Variants in MORC1 observed in about 807,000 individuals in gnomAD.
MORC1 encodes MORC family CW-type zinc finger 1, also known as MORC family CW-type zinc finger protein 1.
A neutral mutation model predicts 134.9 loss-of-function variants in MORC1; 59 were observed. The ratio of observed to expected loss-of-function variants is 0.44; its 90% CI spans 0.35 to 0.54. The LOEUF (loss-of-function observed/expected upper bound fraction) is 0.54. Ranked by LOEUF, MORC1 falls within the 20% of genes least tolerant of loss-of-function variation. The pLI is 0.00. For synonymous variants in MORC1, 395 were observed against 391.7 expected, an observed-to-expected ratio of 1.01 and a Z score of -0.10; for missense variants, 947 against 1,134.5, an observed-to-expected ratio of 0.83 and a Z score of 2.37.
intron 6 of MORC1, among the ~76,000 whole-genome samples, chr3:109,097,595 G>C (rs1205742904): frequency 6.6e-6 from 1 of 152,142 alleles, no homozygotes; most frequent in Non-Finnish European, 1.5e-5. Context: ...GGAAGCAGGA[G>C]TGTGAGCTGC....
chr3:109,109,811 G>A (rs1054349191), intron 3 of MORC1: 1 of 152,262 alleles, frequency 6.6e-6, no homozygotes. Flanking sequence ...TTGTCCCAGG[G>A]CAAAAGAGTT....
intron 8 of MORC1, among the ~76,000 whole-genome samples, chr3:109,076,814 C>T (rs764467794): frequency 7.9e-5 from 12 of 151,998 alleles, no homozygotes; most frequent in Non-Finnish European, 1.8e-4. Context: ...ACATCACACA[C>T]CAGGGCCTGG....
At chr3:109,062,746 T>C (rs74735057) in intron 10 of MORC1, among the ~76,000 whole-genome samples, 1 of 152,166 alleles carries the variant, frequency 6.6e-6, no homozygotes, top group African/African-American at 2.4e-5. Flanking sequence ...CAAGCAGGGT[T>C]TCTTAGTTTA....
intron 6 of MORC1, among the ~76,000 whole-genome samples, chr3:109,098,099 C>G (rs1175506486): frequency 6.6e-6 from 1 of 151,850 alleles, no homozygotes; most frequent in Non-Finnish European, 1.5e-5. Flanking sequence ...TTTTTTGAGA[C>G]AGGGTCTCAC....
At chr3:109,068,098 G>C (rs967279622) in intron 9 of MORC1, among the ~76,000 whole-genome samples, 2 of 152,200 alleles carry the variant, frequency 1.3e-5, no homozygotes, top group Non-Finnish European at 2.9e-5. Flanking sequence ...TGTTACTGCA[G>C]AAATCAAATG....
At chr3:109,074,717 A>G (rs1047967254) in intron 8 of MORC1, among the ~76,000 whole-genome samples, 1 of 152,162 alleles carries the variant, frequency 6.6e-6, no homozygotes, top group African/African-American at 2.4e-5. Flanking sequence ...AATGTAATTC[A>G]TTTTTTATTT....
Position 108,963,601 on chromosome 3 carries a change from T to C in MORC1, c.2612A>G (p.Asn871Ser). Residue 871 changes from asparagine to serine, a missense_variant, in exon 27 of 28, where the codon AAT (asparagine) becomes AGT (serine). Around this residue, in one of 3 missense-constraint regions of MORC1, gnomAD observed 722 missense variants for 817.0 expected, o/e 0.88. Coordinates refer to ENST00000232603, the MANE Select transcript of MORC1 (RefSeq NM_014429.4). ...TTTTTCATATTGGACCATGTAAGTA[T>C]TCTGTATCTGGGAATGTTTTAAAAA... ...KLKMCFNQIQ[N>S]TYMVQYEKKI... The C allele has an allele frequency of 1.9e-6, 3 of 1,546,580 alleles. No individual in the cohort carries two copies. The highest frequency in any genetic ancestry group is 1.2e-5 in the South Asian group (1 of 82,748).
At chr3:109,003,449 T>C (rs1272335085) in intron 20 of MORC1, among the ~76,000 whole-genome samples, 1 of 150,862 alleles carries the variant, frequency 6.6e-6, no homozygotes, top group East Asian at 2.0e-4. Flanking sequence ...ACTGAGTCCC[T>C]GTATTTAATG....
chr3:109,058,730 A>G lies in MORC1; in HGVS notation c.1031+1076T>C, dbSNP rs149825108. ...TGAGATCCCAAAAGGATATTCAACA[A>G]AAGTACTGACTGTATAAGGGATACC... is the stretch of plus-strand genomic sequence containing the variant. On this transcript the variant is annotated intron_variant, in intron 12 of 27. Coordinates refer to ENST00000232603, the MANE Select transcript of MORC1 (RefSeq NM_014429.4). Among the ~76,000 whole-genome samples, 42 of 152,206 alleles carry G rather than the reference A, an allele frequency of 2.8e-4. No individual in the cohort carries two copies. In the East Asian group the frequency reaches 7.5e-3, roughly 27 times the overall value.
intron 24 of MORC1, 62 bp downstream of exon 24, chr3:108,979,453 G>T: frequency 1.9e-6 from 3 of 1,548,314 alleles, no homozygotes; most frequent in Non-Finnish European, 2.7e-6. Context: ...AAAACAACAG[G>T]AGTTGTCACT....
rs749296464 is a variant in MORC1 at position 109,027,909 on chromosome 3, A to G, written c.1566-20T>C. ...TGACAACTTCAGAATCAACAAGTACAAGATTAACATCAGGAGAAATATAAA... is the reference window on the plus strand; with the variant it reads ...TGACAACTTCAGAATCAACAAGTACGAGATTAACATCAGGAGAAATATAAA... On this transcript the variant is annotated intron_variant, in intron 16 of 27. Transcript: ENST00000232603. 6.2e-7 allele frequency: 1 copy of G among 1,610,490 alleles called. No homozygotes were observed.
chr3:109,070,009 A>G (rs1950283339), intron 8 of MORC1, among the ~76,000 whole-genome samples: 1 of 152,206 alleles, frequency 6.6e-6, no homozygotes, highest in Non-Finnish European at 1.5e-5. Flanking sequence ...TTGGCAACCA[A>G]CTTATTCTAA....
intron 22 of MORC1, among the ~76,000 whole-genome samples, 200 bp from the exon 23 acceptor site, chr3:108,984,982 G>A: frequency 6.6e-6 from 1 of 152,190 alleles, no homozygotes; most frequent in South Asian, 2.1e-4. Flanking sequence ...TAAAGTTTAT[G>A]TAGTATATAT....
chr3:108,986,187 T>C (rs974645821), intron 22 of MORC1, among the ~76,000 whole-genome samples: 1 of 152,194 alleles, frequency 6.6e-6, no homozygotes, highest in East Asian at 1.9e-4. Flanking sequence ...GATGTGTTTC[T>C]TGGGTCCAAT....
In MORC1 at chr3:108,959,215, A is replaced by C. The variant is rs1456134805; in HGVS notation, c.2800-95T>G. 7 of 1,062,794 alleles carry C rather than the reference A, an allele frequency of 6.6e-6. No individual in the cohort carries two copies. In the African/African-American group the frequency reaches 1.2e-4, roughly 18 times the overall value. 65.8% of individuals were successfully genotyped at this position (1,062,794 alleles called of 1,614,324 possible). On this transcript the variant is annotated intron_variant, in intron 27 of 27. Coordinates refer to ENST00000232603, the MANE Select transcript of MORC1 (RefSeq NM_014429.4). Reference sequence around the variant, plus strand: ...CTCCTAACAGTCTTCCCTATGACTCATGCTGCAACAAAAGCCACCTTACAT... The same window carrying C: ...CTCCTAACAGTCTTCCCTATGACTCCTGCTGCAACAAAAGCCACCTTACAT...
intron 21 of MORC1, among the ~76,000 whole-genome samples, chr3:108,987,762 C>A (rs985401862): frequency 1.3e-5 from 2 of 151,678 alleles, no homozygotes; most frequent in Non-Finnish European, 2.9e-5. Flanking sequence ...TGGGAATATA[C>A]CTTAGATGAG....
intron 21 of MORC1, among the ~76,000 whole-genome samples, chr3:108,995,748 G>C (rs1948184099): frequency 6.6e-6 from 1 of 152,142 alleles, no homozygotes; most frequent in African/African-American, 2.4e-5. Context: ...AGGGAAACGG[G>C]CTAAAGAGAG....
At chr3:108,959,224 C>T (rs1302955361) in intron 27 of MORC1, 104 bp from the exon 28 acceptor site, 3 of 892,304 alleles carry the variant, frequency 3.4e-6, no homozygotes, top group Non-Finnish European at 4.9e-6. Flanking sequence ...CATGCTGCAA[C>T]AAAAGCCACC....
At chr3:108,963,678 A>G (rs1239123837) in intron 26 of MORC1, 70 bp from the exon 27 acceptor site, 12 of 1,050,878 alleles carry the variant, frequency 1.1e-5, no homozygotes, top group Non-Finnish European at 1.6e-5. Context: ...TCACTAGACA[A>G]TTTCATATTC....
Sources: allele counts gnomAD v4.1 joint callset (sites outside exome capture counted in the v4.1 genomes callset), GRCh38; gene constraint gnomAD v4.1.1; regional missense constraint gnomAD v4.1.1; transcripts MANE v1.5; gene names NCBI Gene and HGNC (gene_info 2026-07-23, HGNC 2026-07-21).